The following NAT16 variants were observed in gnomAD, a reference collection of about 807,000 sequenced individuals.
NAT16 encodes the protein N-acetyltransferase 16 (putative).
Under a neutral mutation model 15.9 loss-of-function variants are expected in NAT16, and 16 were observed. That is an observed-to-expected ratio of 1.01 (90% confidence interval 0.68 to 1.53). NAT16 has a LOEUF of 1.53. Among genes scored for constraint, NAT16 ranks in the 40% most tolerant of loss-of-function variants. The probability of loss-of-function intolerance (pLI) is 0.00; values close to 1 mark genes in which losing one functional copy is unlikely to be tolerated. For synonymous variants in NAT16, 260 were observed against 241.9 expected, an observed-to-expected ratio of 1.07 and a Z score of -0.69; for missense variants, 572 against 508.4, an observed-to-expected ratio of 1.13 and a Z score of -1.20.
Position 101,178,406 on chromosome 7 carries a change from T to G in NAT16, c.-5+1636A>C, listed in dbSNP as rs141961390. Among the ~76,000 whole-genome samples the G allele has an allele frequency of 3.4e-3, 517 of 152,250 alleles. 2 individuals are homozygous for G. Among genetic ancestry groups the G allele is most frequent in the Non-Finnish European group, 5.5e-3 (373 of 68,020 alleles). ...CTGTGGGCTAGCCTGTAACCCTTGC[T>G]TCACATGGTGACCACTTCCTACCCT... is the stretch of plus-strand genomic sequence containing the variant. On this transcript the variant is annotated intron_variant, in intron 1 of 3. Coordinates refer to ENST00000300303, the MANE Select transcript of NAT16 (RefSeq NM_198571.3).
intron 1 of NAT16, among the ~76,000 whole-genome samples, chr7:101,178,815 C>T (rs965190527): frequency 7.2e-6 from 1 of 138,448 alleles, no homozygotes; most frequent in African/African-American, 2.7e-5. Flanking sequence ...CGCTTCAACC[C>T]GGGAGGCCGA....
Position 101,172,709 on chromosome 7 carries a change from G to T in NAT16, c.538-58C>A. ...GGGCGCAGCAGGGCTGGCGAGCCCGGCGCCTCTCGGCAGGCATCTTCACTC... is the reference window on the plus strand; with the variant it reads ...GGGCGCAGCAGGGCTGGCGAGCCCGTCGCCTCTCGGCAGGCATCTTCACTC... On this transcript the variant is annotated intron_variant, in intron 3 of 3. Transcript: ENST00000300303. The surrounding 1 kb of genome is among the most constrained non-coding windows in gnomAD (Gnocchi z 4.2). The T allele has an allele frequency of 1.5e-6, 2 of 1,334,178 alleles. No homozygotes were observed. Among genetic ancestry groups the T allele is most frequent in the Non-Finnish European group, 2.0e-6 (2 of 1,021,748 alleles). The allele number at this position is 1,334,178 out of a possible 1,614,324, so 82.6% of individuals were successfully genotyped here. A position where few individuals can be genotyped will look rare whatever the true frequency, so the allele number is the denominator to read the frequency against.
chr7:101,174,827 G>T lies in NAT16; in HGVS notation c.-4-16C>A, dbSNP rs765206583. The T allele has an allele frequency of 1.3e-6, 2 of 1,526,970 alleles. No homozygotes were observed. The highest frequency in any genetic ancestry group is 2.3e-5 in the East Asian group (1 of 44,088). The allele number at this position is 1,526,970 out of a possible 1,614,324, so 94.6% of individuals were successfully genotyped here. A position where few individuals can be genotyped will look rare whatever the true frequency, so the allele number is the denominator to read the frequency against. ...CTTCATGACCCTGCAGAAAAAAAGA[G>T]AATTCAGCACCTGGATCAGCCCCTT... On this transcript the variant is annotated splice_polypyrimidine_tract_variant and intron_variant, in intron 1 of 3. Coordinates refer to ENST00000300303, the MANE Select transcript of NAT16 (RefSeq NM_198571.3).
intron 2 of NAT16, chr7:101,174,128 C>G: frequency 2.8e-6 from 1 of 358,400 alleles, no homozygotes; most frequent in Non-Finnish European, 5.0e-6. Flanking sequence ...TTGCCACGCC[C>G]CACTTCCTCT....
At chr7:101,178,499 G>A (rs745968107) in intron 1 of NAT16, among the ~76,000 whole-genome samples, 3 of 151,924 alleles carry the variant, frequency 2.0e-5, no homozygotes, top group African/African-American at 2.4e-5. Flanking sequence ...AGGCAGAGGC[G>A]GAGGCAGCTG....
At chr7:101,178,254 T>A (rs1413194877) in intron 1 of NAT16, among the ~76,000 whole-genome samples, 1 of 152,136 alleles carries the variant, frequency 6.6e-6, no homozygotes, top group Non-Finnish European at 1.5e-5. Context: ...GCATCCCCCA[T>A]CTTTCAACCC....
rs997033320 is a variant in NAT16, at chr7:101,180,250, G to A, written c.-213C>T. On this transcript the variant is annotated 5_prime_UTR_variant, in exon 1 of 4. Transcript: ENST00000300303. ...GGGGCAGCGCCGCAGCTCCGTTGGC[G>A]ACGCGGGCCGGGGCGCCCATCGGTT... 1 of 152,260 alleles carries A rather than the reference G, an allele frequency of 6.6e-6. No homozygotes were observed. The highest frequency in any genetic ancestry group is 2.4e-5 in the African/African-American group (1 of 41,456). 9.4% of individuals were successfully genotyped at this position (152,260 alleles called of 1,614,324 possible).
At chr7:101,178,190 T>G (rs1797508123) in intron 1 of NAT16, among the ~76,000 whole-genome samples, 2 of 152,048 alleles carry the variant, frequency 1.3e-5, no homozygotes. Context: ...GAGGTAAGGG[T>G]AGGGGTGGAC....
chr7:101,174,676 C>G lies in NAT16; in HGVS notation c.132G>C (p.Ser44=), dbSNP rs377505113. Residue 44 remains serine (S), a synonymous_variant, in exon 2 of 4, where the codon TCG becomes TCC. Coordinates refer to ENST00000300303, the MANE Select transcript of NAT16 (RefSeq NM_198571.3). ...ATGGCTCGGCCTCAGCCTCAGGCCC[C>G]GATCCCGACCTGGGCTCGGCCTCCA... ...QEVEAEPRSG[S]GPEAEAEPLD... 104 of 1,613,890 alleles carry G rather than the reference C, an allele frequency of 6.4e-5. No individual in the cohort carries two copies. The highest frequency in any genetic ancestry group is 3.3e-5 in the Admixed American group (2 of 60,000).
In NAT16 at chr7:101,174,601, G is replaced by C. The variant is rs1280133277; in HGVS notation, c.207C>G (p.Ile69Met). Residue 69 changes from isoleucine to methionine, a missense_variant, in exon 2 of 4, where the codon ATC becomes ATG. Transcript: ENST00000300303. Reference protein sequence around the residue: ...TEREFEEVLAISGGIYGGLDY... With the variant: ...TEREFEEVLAMSGGIYGGLDY... ...CCAGGCCGCCGTAGATGCCCCCCGAGATGGCCAGCACTTCCTCAAACTCCC... is the reference window on the plus strand; with the variant it reads ...CCAGGCCGCCGTAGATGCCCCCCGACATGGCCAGCACTTCCTCAAACTCCC... 6.2e-7 allele frequency: 1 copy of C among 1,614,192 alleles called. No homozygotes were observed. The highest frequency in any genetic ancestry group is 1.3e-5 in the African/African-American group (1 of 75,054).
At chr7:101,176,863 G>GT (rs1797479768) in intron 1 of NAT16, among the ~76,000 whole-genome samples, 1 of 152,052 alleles carries the variant, frequency 6.6e-6, no homozygotes, top group Admixed American at 6.6e-5. Flanking sequence ...CAGCTATTCT[G>GT]TGGGGGTGAT....
At chr7:101,176,505 A>AG (rs1797470689) in intron 1 of NAT16, among the ~76,000 whole-genome samples, 1 of 150,170 alleles carries the variant, frequency 6.7e-6, no homozygotes, top group African/African-American at 2.4e-5. Flanking sequence ...TGTCTCAAGA[A>AG]AAAAAAAAAA....
rs1797557720 is a variant in NAT16, at chr7:101,180,095, G to C, written c.-58C>G. The stretch of plus-strand genomic sequence containing the variant: ...CCGAGATGCCGCAAAGCCAAGCGGG[G>C]CGGGCGGCGGGCGCAGACACCCCCG... On this transcript the variant is annotated 5_prime_UTR_variant, in exon 1 of 4. Transcript: ENST00000300303. 2.0e-5 allele frequency: 3 copies of C among 153,824 alleles called. No homozygotes were observed. The Admixed American group carries it at 2.0e-4, about 10-fold the overall frequency. 9.5% of individuals were successfully genotyped at this position (153,824 alleles called of 1,614,324 possible).
intron 1 of NAT16, among the ~76,000 whole-genome samples, chr7:101,178,794 G>A (rs1797524439): frequency 6.9e-6 from 1 of 145,798 alleles, no homozygotes; most frequent in Non-Finnish European, 1.5e-5. Context: ...AGGAGGCTGA[G>A]GCAGGAGAAT....
intron 1 of NAT16, among the ~76,000 whole-genome samples, chr7:101,177,819 A>G (rs1295236369): frequency 6.6e-6 from 1 of 152,164 alleles, no homozygotes; most frequent in Non-Finnish European, 1.5e-5. Context: ...CACTGTCAGC[A>G]ATCCCTATGC....
At chr7:101,176,107 C>G (rs977117086) in intron 1 of NAT16, among the ~76,000 whole-genome samples, 5 of 152,180 alleles carry the variant, frequency 3.3e-5, no homozygotes, top group African/African-American at 1.2e-4. Context: ...CCAGCCAGGG[C>G]CAAGGGGGAG....
chr7:101,175,718 T>C (rs1797448998), intron 1 of NAT16, among the ~76,000 whole-genome samples: 2 of 151,628 alleles, frequency 1.3e-5, no homozygotes, highest in South Asian at 4.1e-4. Context: ...GGTTGAGTCA[T>C]GGAGTTTAAG....
At chr7:101,179,437 C>A (rs1175301259) in intron 1 of NAT16, among the ~76,000 whole-genome samples, 2 of 151,316 alleles carry the variant, frequency 1.3e-5, no homozygotes, top group East Asian at 1.9e-4. Flanking sequence ...GCGTGACACA[C>A]CCCCTTCGCC....
intron 2 of NAT16, chr7:101,174,034 C>T (rs1797405339): frequency 8.5e-6 from 2 of 234,508 alleles, no homozygotes; most frequent in Non-Finnish European, 8.2e-6. Context: ...CCGGCCCCTT[C>T]CACCTCTTGA....
Sources: gnomAD v4.1 joint callset for allele counts (sites outside exome capture counted in the v4.1 genomes callset) on GRCh38, gnomAD v4.1.1 for gene constraint, Gnocchi (gnomAD v3.1) non-coding constraint, MANE v1.5 for transcripts, NCBI Gene and HGNC (gene_info 2026-07-23, HGNC 2026-07-21) for gene names.